SIM2: variants seen among roughly 807,000 people sequenced by gnomAD.
SIM2 encodes the protein SIM bHLH transcription factor 2, also known as single-minded homolog 2.
A neutral mutation model predicts 64.8 loss-of-function variants in SIM2; 28 were observed. That is an observed-to-expected ratio of 0.43 (90% CI 0.32 to 0.59). The LOEUF (loss-of-function observed/expected upper bound fraction) is 0.59, where lower values mean the gene tolerates loss of function less well. Ranked by LOEUF, SIM2 falls within the 20% of genes least tolerant of loss-of-function variation. The pLI, the probability that SIM2 is intolerant of heterozygous loss-of-function variation, is 0.07. For synonymous variants in SIM2, 408 were observed against 391.1 expected (o/e 1.04, Z -0.51); for missense variants, 847 against 871.4 (o/e 0.97, Z 0.35).
chr21:36,717,867 A>T (rs2088767299), intron 3 of SIM2, among the ~76,000 whole-genome samples: 1 of 152,228 alleles, frequency 6.6e-6, no homozygotes, highest in African/African-American at 2.4e-5. Context: ...CAGTTTATTT[A>T]AACTTTTTAA....
At position 36,743,562 on chromosome 21, in the gene SIM2, C is replaced by T. The variant is rs374366409; in HGVS notation, c.1167+7C>T. 7.8e-5 allele frequency: 126 copies of T among 1,611,958 alleles called. No individual in the cohort carries two copies. The highest frequency in any genetic ancestry group is 9.5e-5 in the Non-Finnish European group (112 of 1,179,104). ...AAACCCTTACCCCCCACAGGTAACACGCATGTCCTGCAGTTTTGGGGTGCT... is the reference window on the plus strand; with the variant it reads ...AAACCCTTACCCCCCACAGGTAACATGCATGTCCTGCAGTTTTGGGGTGCT... On this transcript the variant is annotated splice_region_variant and intron_variant, in intron 9 of 10. Transcript: ENST00000290399.
chr21:36,708,407 G>C (rs184419003), intron 1 of SIM2, among the ~76,000 whole-genome samples: 2 of 152,234 alleles, frequency 1.3e-5, no homozygotes, highest in Non-Finnish European at 2.9e-5. Context: ...AGGTGGTGAA[G>C]AAGGGCAGGA....
chr21:36,738,387 C>T (rs1279150376), intron 7 of SIM2, among the ~76,000 whole-genome samples: 2 of 152,120 alleles, frequency 1.3e-5, no homozygotes, highest in African/African-American at 4.8e-5. Flanking sequence ...TGCCTGTAAT[C>T]CCAGCTACTC....
At chr21:36,711,012 C>A (rs553630617) in intron 2 of SIM2, among the ~76,000 whole-genome samples, 1 of 152,306 alleles carries the variant, frequency 6.6e-6, no homozygotes, top group South Asian at 2.1e-4. Flanking sequence ...CTTCTCTGTG[C>A]TACATTTCTT....
chr21:36,746,759 AG>A (rs1282439699), intron 10 of SIM2, among the ~76,000 whole-genome samples: 1 of 152,208 alleles, frequency 6.6e-6, no homozygotes, highest in African/African-American at 2.4e-5. Context: ...AGAACATCCA[AG>A]CAAAGGAAGA....
chr21:36,749,631 A>G lies in SIM2; in HGVS notation c.*1539A>G, dbSNP rs1169604384. ...TGCCCGCCTCTCCACGCACTCAGCT[A>G]TACCTCATTCACAGCTCCTTGTGAG... On this transcript the variant is annotated 3_prime_UTR_variant, in exon 11 of 11. Transcript: ENST00000290399. The G allele has an allele frequency of 1.3e-5, 2 of 152,206 alleles. No individual in the cohort carries two copies. The highest frequency in any genetic ancestry group is 4.8e-5 in the African/African-American group (2 of 41,448). The allele number at this position is 152,206 out of a possible 1,614,324, so 9.4% of individuals were successfully genotyped here.
chr21:36,699,800 C>A lies in SIM2; in HGVS notation c.54C>A (p.Gly18=), dbSNP rs200229277. ...AGACCAGGAGGGAGAAGGAAAATGGCGAGTTTTACGAGCTTGCCAAGCTGC... is the reference window on the plus strand; with the variant it reads ...AGACCAGGAGGGAGAAGGAAAATGGAGAGTTTTACGAGCTTGCCAAGCTGC... ...AAKTRREKEN[G]EFYELAKLLP... Residue 18 remains glycine, a synonymous_variant, in exon 1 of 11, where the codon GGC becomes GGA. Coordinates refer to ENST00000290399, the MANE Select transcript of SIM2 (RefSeq NM_005069.6). This position sits in a 1 kb window ranked among gnomAD's most constrained non-coding sequence, Gnocchi z 5.6. The A allele has an allele frequency of 2.0e-4, 323 of 1,612,518 alleles. 3 individuals carry two copies. The East Asian group carries it at 5.0e-3, about 25-fold the overall frequency.
chr21:36,722,542 T>C (rs925508020), intron 4 of SIM2, among the ~76,000 whole-genome samples: 1 of 152,040 alleles, frequency 6.6e-6, no homozygotes, highest in African/African-American at 2.4e-5. Flanking sequence ...TTGACAATAG[T>C]GAGGTCAGAG....
intron 4 of SIM2, among the ~76,000 whole-genome samples, chr21:36,722,742 C>T (rs1054552073): frequency 3.9e-5 from 6 of 152,194 alleles, no homozygotes; most frequent in African/African-American, 1.4e-4. Context: ...CTTCCTGGAG[C>T]CCACGGCCCC....
chr21:36,705,894 T>A (rs1397191241), intron 1 of SIM2, among the ~76,000 whole-genome samples: 2 of 152,200 alleles, frequency 1.3e-5, no homozygotes, highest in Non-Finnish European at 2.9e-5. Flanking sequence ...TAACCTGGTG[T>A]TCCTACCACA....
intron 3 of SIM2, among the ~76,000 whole-genome samples, chr21:36,718,711 C>T (rs545507283): frequency 3.9e-5 from 6 of 152,234 alleles, no homozygotes; most frequent in South Asian, 4.2e-4. Context: ...TGGGGTTCAC[C>T]GACTCACTGT....
chr21:36,702,017 C>T (rs576794767), intron 1 of SIM2, among the ~76,000 whole-genome samples: 1 of 152,220 alleles, frequency 6.6e-6, no homozygotes, highest in Non-Finnish European at 1.5e-5. Flanking sequence ...CGAGAAGACA[C>T]GGCTGCTCAG....
intron 7 of SIM2, among the ~76,000 whole-genome samples, chr21:36,732,662 T>C (rs1265641297): frequency 6.6e-6 from 1 of 152,230 alleles, no homozygotes; most frequent in Non-Finnish European, 1.5e-5. Flanking sequence ...TTTGTGTCTT[T>C]TGTTAAAGAC....
chr21:36,734,131 ACAC>A (rs2089012544), intron 7 of SIM2, among the ~76,000 whole-genome samples: 1 of 152,086 alleles, frequency 6.6e-6, no homozygotes, highest in South Asian at 2.1e-4. Context: ...CGTCACCACC[ACAC>A]CACACCACAC....
chr21:36,709,286 C>T lies in SIM2; in HGVS notation c.258+36C>T, dbSNP rs777809822. On this transcript the variant is annotated intron_variant, in intron 2 of 10. Coordinates refer to ENST00000290399, the MANE Select transcript of SIM2 (RefSeq NM_005069.6). Reference sequence around the variant, plus strand: ...CTCGCCGGGGGAGGAGCGCAGCCGCCGCAGGCTCCCTTCCCACCCCGCCAC... The same window carrying T: ...CTCGCCGGGGGAGGAGCGCAGCCGCTGCAGGCTCCCTTCCCACCCCGCCAC... The T allele has an allele frequency of 6.0e-6, 9 of 1,509,960 alleles. 1 individual carries two copies. The highest frequency in any genetic ancestry group is 1.2e-5 in the South Asian group (1 of 84,038). 93.5% of individuals were successfully genotyped at this position (1,509,960 alleles called of 1,614,324 possible).
intron 2 of SIM2, chr21:36,709,696 A>G (rs552958781): frequency 2.9e-5 from 10 of 342,700 alleles, no homozygotes; most frequent in African/African-American, 2.2e-4. Flanking sequence ...GAGAGACAGC[A>G]TCAATAATAC....
rs147313121 is a variant in SIM2 at position 36,730,658 on chromosome 21, A to T, written c.744-387A>T. 4.6e-5 allele frequency among the ~76,000 whole-genome samples: 7 copies of T among 152,340 alleles called. No homozygotes were observed. In the East Asian group the frequency reaches 1.3e-3, roughly 29 times the overall value. Reference sequence around the variant, plus strand: ...TATTTTACCACAATTTATAAAAAACATTCACACAGGACCGTCCCCCCGAAG... The same window carrying T: ...TATTTTACCACAATTTATAAAAAACTTTCACACAGGACCGTCCCCCCGAAG... On this transcript the variant is annotated intron_variant, in intron 6 of 10. Transcript: ENST00000290399.
chr21:36,725,493 C>G (rs563544769), intron 5 of SIM2, among the ~76,000 whole-genome samples: 1 of 152,302 alleles, frequency 6.6e-6, no homozygotes, highest in East Asian at 1.9e-4. Flanking sequence ...CCCCCAGATG[C>G]CTTTATTGTG....
At chr21:36,727,880 T>G (rs1481090780) in intron 6 of SIM2, among the ~76,000 whole-genome samples, 1 of 152,148 alleles carries the variant, frequency 6.6e-6, no homozygotes, top group Non-Finnish European at 1.5e-5. Context: ...TCTTCCTGGT[T>G]AGGGGCAAGA....
Sources: gnomAD v4.1 joint callset for allele counts (sites outside exome capture counted in the v4.1 genomes callset) on GRCh38, gnomAD v4.1.1 for gene constraint, Gnocchi (gnomAD v3.1) non-coding constraint, MANE v1.5 for transcripts, NCBI Gene and HGNC (gene_info 2026-07-23, HGNC 2026-07-21) for gene names.